The following LIMCH1 variants were observed in gnomAD, a reference collection of about 807,000 sequenced individuals.
LIMCH1 encodes the protein LIM and calponin homology domains 1.
In LIMCH1, 113 loss-of-function variants were observed where a neutral mutation model predicts 176.5. That is an observed-to-expected ratio of 0.64 (90% CI 0.55 to 0.75). The LOEUF (loss-of-function observed/expected upper bound fraction) is 0.75. Among genes scored for constraint, LIMCH1 ranks in the 30% least tolerant of loss-of-function variants. The pLI is 0.00. For missense variants in LIMCH1, 1,674 were observed against 1,814.9 expected (o/e 0.92, Z 1.41); for synonymous variants, 619 against 645.9 (o/e 0.96, Z 0.63).
chr4:41,538,246 C>T lies in LIMCH1; in HGVS notation c.-345C>T, dbSNP rs562326409. ...TGGGAAAGGAAATGTAAGGGCATTT[C>T]GGCTGCTGTGCTGGGGCTGACGAGG... is the stretch of plus-strand genomic sequence containing the variant. On this transcript the variant is annotated 5_prime_UTR_variant, in exon 1 of 32. Transcript: ENST00000503057. The T allele has an allele frequency of 2.5e-4, 242 of 985,372 alleles. No homozygotes were observed. Among genetic ancestry groups the T allele is most frequent in the East Asian group, 1.1e-3 (10 of 8,822 alleles). The allele number at this position is 985,372 out of a possible 1,614,324, so 61.0% of individuals were successfully genotyped here. A position where few individuals can be genotyped will look rare whatever the true frequency, so the allele number is the denominator to read the frequency against.
At chr4:41,658,155 G>A (rs2094514798) in intron 18 of LIMCH1, among the ~76,000 whole-genome samples, 1 of 152,112 alleles carries the variant, frequency 6.6e-6, no homozygotes, top group Non-Finnish European at 1.5e-5. Flanking sequence ...AACCTCCCGG[G>A]CCTCAGTTTC....
intron 1 of LIMCH1, among the ~76,000 whole-genome samples, chr4:41,427,953 A>G (rs935144948): frequency 2.6e-5 from 4 of 152,130 alleles, no homozygotes; most frequent in Non-Finnish European, 1.5e-5. Flanking sequence ...GAAAAAAAAA[A>G]AAAAAGAAGA....
At chr4:41,482,256 A>G (rs67354568) in intron 1 of LIMCH1, among the ~76,000 whole-genome samples, 9,219 of 152,264 alleles carry the variant, frequency 0.061, 352 homozygotes, top group East Asian at 0.11. Flanking sequence ...ACATGTAAAA[A>G]TGTGAGTTAT....
At position 41,570,998 on chromosome 4, in the gene LIMCH1, T is replaced by C. The variant is rs2083465493; in HGVS notation, c.-240-27922T>C. 2.0e-5 allele frequency among the ~76,000 whole-genome samples: 3 copies of C among 152,072 alleles called. No homozygotes were observed. In the South Asian group the frequency reaches 6.2e-4, roughly 32 times the overall value. On this transcript the variant is annotated intron_variant, in intron 1 of 31. Transcript: ENST00000503057. ...GAAAAGTGTCCCTTGGATTAGCAAG[T>C]AAGGAATGATTGTTGACCGTAAGAG... is the stretch of plus-strand genomic sequence containing the variant.
chr4:41,408,069 A>G (rs989696438), intron 1 of LIMCH1, among the ~76,000 whole-genome samples: 1 of 152,186 alleles, frequency 6.6e-6, no homozygotes, highest in Non-Finnish European at 1.5e-5. Context: ...TACCTTGTCC[A>G]TAGTTAGTGT....
At chr4:41,691,142 G>T (rs1725277609) in intron 30 of LIMCH1, among the ~76,000 whole-genome samples, 1 of 152,048 alleles carries the variant, frequency 6.6e-6, no homozygotes, top group Admixed American at 6.6e-5. Context: ...ACTTCCTGGA[G>T]CTGGCCTGAT....
chr4:41,548,472 C>T (rs1473700559), intron 1 of LIMCH1, among the ~76,000 whole-genome samples: 2 of 152,130 alleles, frequency 1.3e-5, no homozygotes, highest in East Asian at 1.9e-4. Flanking sequence ...GTTGTTCAGT[C>T]AATTTTCTCT....
intron 1 of LIMCH1, among the ~76,000 whole-genome samples, chr4:41,423,655 G>A (rs993557819): frequency 6.6e-6 from 1 of 151,972 alleles, no homozygotes; most frequent in Non-Finnish European, 1.5e-5. Flanking sequence ...GAGTGAGGGT[G>A]GGACCAAAAG....
chr4:41,656,967 C>T (rs562847206), intron 18 of LIMCH1, among the ~76,000 whole-genome samples: 3 of 152,228 alleles, frequency 2.0e-5, no homozygotes, highest in South Asian at 4.2e-4. Flanking sequence ...TGGGCCAGTC[C>T]ACCACCAAGA....
intron 1 of LIMCH1, among the ~76,000 whole-genome samples, chr4:41,473,542 A>T (rs1464435362): frequency 2.6e-5 from 4 of 152,236 alleles, no homozygotes; most frequent in Non-Finnish European, 5.9e-5. Context: ...TCTCACCCTG[A>T]TACAAGAATC....
chr4:41,641,214 C>T (rs2093808903), intron 14 of LIMCH1, among the ~76,000 whole-genome samples: 1 of 152,148 alleles, frequency 6.6e-6, no homozygotes, highest in Admixed American at 6.5e-5. Context: ...GTCCAAGTCA[C>T]ATTAATATTC....
At chr4:41,437,671 A>G (rs2062228180) in intron 1 of LIMCH1, among the ~76,000 whole-genome samples, 2 of 149,662 alleles carry the variant, frequency 1.3e-5, no homozygotes, top group South Asian at 4.3e-4. Flanking sequence ...TTTTTCATTT[A>G]CAGAGTGGCC....
intron 1 of LIMCH1, among the ~76,000 whole-genome samples, chr4:41,546,759 A>G (rs1471032740): frequency 1.3e-5 from 2 of 152,092 alleles, no homozygotes; most frequent in Non-Finnish European, 2.9e-5. Context: ...CTCCTAGGTA[A>G]GCCCCATTCT....
At chr4:41,536,266 A>G (rs1462466417), upstream of LIMCH1, among the ~76,000 whole-genome samples, 6 of 152,202 alleles carry the variant, frequency 3.9e-5, no homozygotes, top group African/African-American at 1.4e-4. Flanking sequence ...CTGAAACAGC[A>G]CTTCTCTTAA....
At chr4:41,502,999 G>GTCTGTCCATCCATCCA (rs1554075692) in intron 2 of LIMCH1, among the ~76,000 whole-genome samples, 1,995 of 138,370 alleles carry the variant, frequency 0.014, 49 homozygotes, top group African/African-American at 0.052. Context: ...TGGTCTGTCT[G>GTCTGTCCATCCATCCA]TCCATCCATC....
intron 1 of LIMCH1, among the ~76,000 whole-genome samples, chr4:41,564,482 G>C (rs1055433036): frequency 2.0e-5 from 3 of 152,268 alleles, no homozygotes; most frequent in African/African-American, 7.2e-5. Flanking sequence ...TTGGTTCTGT[G>C]GGGGAATACA....
intron 1 of LIMCH1, among the ~76,000 whole-genome samples, chr4:41,436,374 C>T (rs73140614): frequency 0.069 from 10,518 of 152,170 alleles, 985 homozygotes; most frequent in African/African-American, 0.21. Context: ...TTGCCCCCAC[C>T]GAAGGGTCTG....
At chr4:41,430,632 A>G (rs1340220761) in intron 1 of LIMCH1, among the ~76,000 whole-genome samples, 2 of 152,234 alleles carry the variant, frequency 1.3e-5, no homozygotes, top group South Asian at 2.1e-4. Flanking sequence ...TTTTGTAAGT[A>G]TGTTCCAAAA....
intron 1 of LIMCH1, among the ~76,000 whole-genome samples, chr4:41,378,150 A>C (rs2055055754): frequency 6.6e-6 from 1 of 152,212 alleles, no homozygotes; most frequent in South Asian, 2.1e-4. Context: ...AGCAGAGTGC[A>C]CTTGGGAAGC....
Sources: gnomAD v4.1 joint callset for allele counts (sites outside exome capture counted in the v4.1 genomes callset) on GRCh38, gnomAD v4.1.1 for gene constraint, MANE v1.5 for transcripts, NCBI Gene and HGNC (gene_info 2026-07-23, HGNC 2026-07-21) for gene names.